DOCK4: variants seen among roughly 807,000 people sequenced by gnomAD.
DOCK4 encodes the protein dedicator of cytokinesis protein 4.
A neutral mutation model predicts 268.1 loss-of-function variants in DOCK4; 97 were observed. The observed-to-expected ratio is 0.36, with a 90% CI of 0.31 to 0.43. The LOEUF is 0.43. DOCK4 is among the 20% of genes least tolerant of loss of function. DOCK4 has a pLI of 1.00. For synonymous variants in DOCK4, 954 were observed against 887.2 expected (o/e 1.08, Z -1.34); for missense variants, 2,145 against 2,455.7 (o/e 0.87, Z 2.67).
chr7:111,980,747 C>T (rs528040527), intron 7 of DOCK4, among the ~76,000 whole-genome samples: 1 of 152,264 alleles, frequency 6.6e-6, no homozygotes, highest in East Asian at 1.9e-4. Flanking sequence ...GCCAAATATC[C>T]CCTTGGGTTG....
At chr7:111,780,561 T>C (rs1459113200) in intron 35 of DOCK4, among the ~76,000 whole-genome samples, 1 of 152,198 alleles carries the variant, frequency 6.6e-6, no homozygotes, top group Non-Finnish European at 1.5e-5. Flanking sequence ...AGTCAGCAGA[T>C]GATAATCTTC....
chr7:111,841,899 G>A (rs764341870), intron 25 of DOCK4, among the ~76,000 whole-genome samples: 2 of 152,180 alleles, frequency 1.3e-5, no homozygotes, highest in East Asian at 1.9e-4. Context: ...AACCTTGTAC[G>A]CTCTGCACGT....
intron 1 of DOCK4, among the ~76,000 whole-genome samples, chr7:112,083,054 C>A (rs1586787977): frequency 6.6e-6 from 1 of 151,992 alleles, no homozygotes; most frequent in East Asian, 1.9e-4. Context: ...AATTGTAGCC[C>A]CAAATAAATA....
At chr7:112,072,867 A>T (rs1414891793) in intron 1 of DOCK4, among the ~76,000 whole-genome samples, 1 of 152,172 alleles carries the variant, frequency 6.6e-6, no homozygotes, top group African/African-American at 2.4e-5. Context: ...GGAACTTTAT[A>T]CTGGTAAGGG....
At chr7:112,114,736 A>AC (rs1811969461) in intron 1 of DOCK4, among the ~76,000 whole-genome samples, 1 of 151,896 alleles carries the variant, frequency 6.6e-6, no homozygotes, top group African/African-American at 2.4e-5. Flanking sequence ...TGAAACTCCT[A>AC]TTTTTTCTGC....
At position 111,979,095 on chromosome 7, in the gene DOCK4, C is replaced by T. The variant is rs182404807; in HGVS notation, c.550-1812G>A. Among the ~76,000 whole-genome samples the T allele has an allele frequency of 1.8e-3, 279 of 152,282 alleles. 5 individuals carry two copies. Among genetic ancestry groups the T allele is most frequent in the African/African-American group, 6.2e-3 (257 of 41,554 alleles). ...TACGTCTACATTAGCCATCTTTTTACGCCTTTGAGTTGAAAAACTGCCGAA... is the reference window on the plus strand; with the variant it reads ...TACGTCTACATTAGCCATCTTTTTATGCCTTTGAGTTGAAAAACTGCCGAA... On this transcript the variant is annotated intron_variant, in intron 7 of 52. Coordinates refer to ENST00000428084, the MANE Select transcript of DOCK4 (RefSeq NM_001363540.2).
At chr7:111,780,269 C>T (rs1157030676) in intron 35 of DOCK4, among the ~76,000 whole-genome samples, 2 of 151,454 alleles carry the variant, frequency 1.3e-5, no homozygotes, top group South Asian at 4.1e-4. Context: ...ATTTTTTTTT[C>T]AATTTATACC....
Position 111,940,202 on chromosome 7 carries a change from G to A in DOCK4, c.885C>T (p.Val295=), listed in dbSNP as rs751498340. The part of the protein sequence containing the change: ...GAGEKKNACS[V]QYRRPFGCAV... Reference sequence around the variant, plus strand: ...CACAGCCAAAGGGTCGTCGGTACTGGACACTACAGGCATTCTTTTTTTCTC... The same window carrying A: ...CACAGCCAAAGGGTCGTCGGTACTGAACACTACAGGCATTCTTTTTTTCTC... Residue 295 remains valine, a synonymous_variant, in exon 11 of 53, where the codon GTC becomes GTT. Coordinates refer to ENST00000428084, the MANE Select transcript of DOCK4 (RefSeq NM_001363540.2). 1.9e-6 allele frequency: 3 copies of A among 1,613,992 alleles called. No individual in the cohort carries two copies. In the South Asian group the frequency reaches 3.3e-5, roughly 18 times the overall value.
intron 48 of DOCK4, 63 bp from the exon 49 acceptor site, chr7:111,739,306 G>GT (rs1563432804): frequency 1.9e-6 from 3 of 1,592,946 alleles, no homozygotes; most frequent in East Asian, 4.5e-5. Flanking sequence ...GTTTGGAGGC[G>GT]AGAGCCTGAA....
At chr7:111,954,288 G>A (rs1293536806) in intron 8 of DOCK4, among the ~76,000 whole-genome samples, 44 of 152,164 alleles carry the variant, frequency 2.9e-4, no homozygotes, top group Admixed American at 2.9e-3. Context: ...AGAAACCAGT[G>A]CTACCTCTGT....
intron 1 of DOCK4, among the ~76,000 whole-genome samples, chr7:112,018,329 CTTGT>C (rs1290900636): frequency 1.3e-5 from 2 of 151,872 alleles, no homozygotes; most frequent in Non-Finnish European, 2.9e-5. Context: ...AAAAATGCTG[CTTGT>C]TTATCATAGA....
chr7:111,976,926 T>C (rs572157602), intron 8 of DOCK4: 2 of 481,338 alleles, frequency 4.2e-6, no homozygotes, highest in South Asian at 4.2e-5. Flanking sequence ...ATAGCCCTTA[T>C]GAATTTTTCA....
Position 111,944,871 on chromosome 7 carries a change from C to T in DOCK4, c.784G>A (p.Asp262Asn), listed in dbSNP as rs1562922312. ...KPERHCSLFV[D>N]LGSSELRKDI... ...TTTCTTAGCTCACTGCTGCCCAAAT[C>T]CTACAAACAAAGAAAGTTTGGTTAT... is the stretch of plus-strand genomic sequence containing the variant. Residue 262 changes from aspartate to asparagine, a missense_variant and splice_region_variant, in exon 10 of 53, where the codon GAT becomes AAT. By Grantham distance (23) the Asp-to-Asn change is conservative. Transcript: ENST00000428084. The T allele has an allele frequency of 1.2e-6, 2 of 1,613,774 alleles. No homozygotes were observed. Among genetic ancestry groups the T allele is most frequent in the African/African-American group, 1.3e-5 (1 of 74,912 alleles).
chr7:111,841,998 G>A (rs1211974559), intron 25 of DOCK4, among the ~76,000 whole-genome samples: 18 of 152,186 alleles, frequency 1.2e-4, no homozygotes, highest in Admixed American at 9.8e-4. Context: ...TTGTTTGCTT[G>A]CCATTATAAC....
chr7:111,734,821 A>C (rs1318664252), intron 51 of DOCK4, among the ~76,000 whole-genome samples: 1 of 152,180 alleles, frequency 6.6e-6, no homozygotes, highest in Admixed American at 6.5e-5. Context: ...TGGCTTGGTA[A>C]AGAGCACTCT....
chr7:112,126,035 A>T (rs1023286295), intron 1 of DOCK4, among the ~76,000 whole-genome samples: 7 of 152,146 alleles, frequency 4.6e-5, no homozygotes, highest in Non-Finnish European at 1.0e-4. Flanking sequence ...TCCTGGGCTC[A>T]AGTGATCCAT....
rs1372386550 is a variant in DOCK4 at position 112,199,435 on chromosome 7, C to T, written c.37+6667G>A. ...TTTACTGCAGTTACGTTACCAAAGG[C>T]ATTCCACTTTTTTGATGATTTTTAT... On this transcript the variant is annotated intron_variant, in intron 1 of 52. Transcript: ENST00000428084. Among the ~76,000 whole-genome samples, 4 of 152,164 alleles carry T rather than the reference C, an allele frequency of 2.6e-5. No individual in the cohort carries two copies. In the South Asian group the frequency reaches 8.3e-4, roughly 31 times the overall value.
rs776125444 is a variant in DOCK4 at position 111,784,088 on chromosome 7, A to G, written c.3428+9T>C. ...TCACAAGTAGCACAATTTGCAAACA[A>G]TGTCTTACCTAGGATAGGGACCAAA... On this transcript the variant is annotated intron_variant, in intron 33 of 52. Transcript: ENST00000428084. 5.7e-6 allele frequency: 9 copies of G among 1,580,832 alleles called. No individual in the cohort carries two copies. In the African/African-American group the frequency reaches 6.7e-5, roughly 12 times the overall value.
At chr7:111,755,211 T>C (rs1230721642) in intron 42 of DOCK4, among the ~76,000 whole-genome samples, 2 of 152,176 alleles carry the variant, frequency 1.3e-5, no homozygotes, top group African/African-American at 4.8e-5. Context: ...GCACTGAAGG[T>C]CACACAGCTA....
Sources: allele counts gnomAD v4.1 joint callset (sites outside exome capture counted in the v4.1 genomes callset), GRCh38; gene constraint gnomAD v4.1.1; transcripts MANE v1.5; gene names NCBI Gene and HGNC (gene_info 2026-07-23, HGNC 2026-07-21).